The following SHANK2 variants were observed in gnomAD, a reference collection of about 807,000 sequenced individuals.
SHANK2 encodes SH3 and multiple ankyrin repeat domains protein 2.
Under a neutral mutation model 133.7 loss-of-function variants are expected in SHANK2, and 43 were observed. That is an observed-to-expected ratio of 0.32 (90% CI 0.25 to 0.41). The LOEUF (loss-of-function observed/expected upper bound fraction) is 0.41, where lower values mean the gene tolerates loss of function less well. Ranked by LOEUF, SHANK2 falls within the 10% of genes least tolerant of loss-of-function variation. SHANK2 has a pLI of 1.00. For missense variants in SHANK2, 1,994 were observed against 2,235.8 expected (o/e 0.89, Z 2.18); for synonymous variants, 1,017 against 952.8 (o/e 1.07, Z -1.24).
intron 11 of SHANK2, among the ~76,000 whole-genome samples, chr11:70,873,422 G>C (rs1555070599): frequency 6.6e-6 from 1 of 152,226 alleles, no homozygotes; most frequent in African/African-American, 2.4e-5. Flanking sequence ...AACAGCAGAG[G>C]GGAGGCAGGC....
chr11:70,485,491 G>T lies in SHANK2; in HGVS notation c.4802C>A (p.Thr1601Asn). The change falls in exon 25 of 26, where the codon ACC (threonine) becomes AAC (asparagine). Residue 1601 changes from threonine to asparagine, a missense_variant. This residue lies in a region of SHANK2 where 797 missense variants were observed against 907.4 expected (regional missense o/e 0.88). Transcript: ENST00000601538. This position sits in a 1 kb window ranked among gnomAD's most constrained non-coding sequence, Gnocchi z 5.8. Reference sequence around the variant, plus strand: ...TGTGACGTCGCCCCACAACTTGGAGGTCCTTGGCTGGAGAACCTTGGCCAT... The same window carrying T: ...TGTGACGTCGCCCCACAACTTGGAGTTCCTTGGCTGGAGAACCTTGGCCAT... ...PGMAKVLQPR[T>N]SKLWGDVTEI... 1 of 1,613,818 alleles carries T rather than the reference G, an allele frequency of 6.2e-7. No homozygotes were observed. The highest frequency in any genetic ancestry group is 1.1e-5 in the South Asian group (1 of 91,080).
At chr11:71,060,314 T>C (rs1950972613) in intron 9 of SHANK2, among the ~76,000 whole-genome samples, 1 of 152,202 alleles carries the variant, frequency 6.6e-6, no homozygotes, top group East Asian at 1.9e-4. Flanking sequence ...CAACAACCCC[T>C]GTCTTCATGG....
In SHANK2 at chr11:70,470,966, T is replaced by C. The variant is rs1324939928; in HGVS notation, c.*1903A>G. The C allele has an allele frequency of 1.6e-5, 4 of 249,208 alleles. No individual in the cohort carries two copies. The highest frequency in any genetic ancestry group is 5.5e-5 in the Admixed American group (1 of 18,178). The allele number at this position is 249,208 out of a possible 1,614,324, so 15.4% of individuals were successfully genotyped here. ...ACGAAGTTCTAGCAAAGATAGAAAA[T>C]ATAACACAGCTCTGCTGGTTCAGAT... On this transcript the variant is annotated 3_prime_UTR_variant, in exon 26 of 26. Transcript: ENST00000601538.
chr11:70,615,821 C>T (rs1411706397), intron 17 of SHANK2, among the ~76,000 whole-genome samples: 2 of 152,186 alleles, frequency 1.3e-5, no homozygotes, highest in Non-Finnish European at 2.9e-5. Context: ...AGGTCTAAGC[C>T]ACCTTGGCCG....
intron 14 of SHANK2, among the ~76,000 whole-genome samples, chr11:70,749,836 T>G (rs972917834): frequency 6.6e-6 from 1 of 150,942 alleles, no homozygotes; most frequent in African/African-American, 2.4e-5. Flanking sequence ...GAAAAAAAAA[T>G]AGACAATGTC....
chr11:70,779,941 T>C (rs1947446300), intron 14 of SHANK2, among the ~76,000 whole-genome samples: 1 of 81,448 alleles, frequency 1.2e-5, no homozygotes, highest in Admixed American at 1.5e-4. Context: ...ATCATTCAGG[T>C]CGGTCCCATC....
At chr11:70,845,670 T>C (rs898888251) in intron 11 of SHANK2, among the ~76,000 whole-genome samples, 5 of 152,044 alleles carry the variant, frequency 3.3e-5, no homozygotes, top group Non-Finnish European at 7.4e-5. Flanking sequence ...CAGGATTGAT[T>C]GATGGAAAGA....
chr11:70,676,867 C>A (rs1471481212), intron 15 of SHANK2, among the ~76,000 whole-genome samples: 1 of 152,110 alleles, frequency 6.6e-6, no homozygotes, highest in Non-Finnish European at 1.5e-5. Context: ...TTCAACTGTC[C>A]AGAGAAGATC....
In SHANK2 at chr11:70,632,682, C is replaced by T. The variant is rs1052598286; in HGVS notation, c.2061+27146G>A. Among the ~76,000 whole-genome samples the T allele has an allele frequency of 7.2e-5, 11 of 152,316 alleles. No homozygotes were observed. In the East Asian group the frequency reaches 1.5e-3, roughly 21 times the overall value. On this transcript the variant is annotated intron_variant, in intron 17 of 25. Transcript: ENST00000601538. ...GCCACATGCTGCTCTACCTCCCACC[C>T]GCCCTGAGCACTCGGTGGATGCTGG...
intron 9 of SHANK2, among the ~76,000 whole-genome samples, chr11:71,065,427 T>C (rs1211560823): frequency 1.1e-3 from 45 of 41,196 alleles, no homozygotes; most frequent in South Asian, 2.8e-3. Context: ...GCAGAACTCT[T>C]CCAGGGAGAT....
At position 71,113,342 on chromosome 11, in the gene SHANK2, T is replaced by C. The variant is rs1555099774; in HGVS notation, c.434A>G (p.Tyr145Cys). The C allele has an allele frequency of 1.3e-6, 2 of 1,551,752 alleles. No homozygotes were observed. The highest frequency in any genetic ancestry group is 1.4e-5 in the African/African-American group (1 of 73,186). The change falls in exon 5 of 26, where the codon TAT (tyrosine) becomes TGT (cysteine). Residue 145 changes from tyrosine to cysteine, a missense_variant. This residue lies in a region of SHANK2 where 653 missense variants were observed against 563.4 expected (regional missense o/e 1.16). Transcript: ENST00000601538. ...SLEFRYKKRV[Y>C]KQASLDEKQL... ...TTTCTCATCGAGACTGGCTTGTTTATACACCCGCTTCTTGTATCGAAACTG... is the reference window on the plus strand; with the variant it reads ...TTTCTCATCGAGACTGGCTTGTTTACACACCCGCTTCTTGTATCGAAACTG...
chr11:70,915,520 G>A (rs1457581044), intron 10 of SHANK2, among the ~76,000 whole-genome samples: 1 of 152,178 alleles, frequency 6.6e-6, no homozygotes, highest in Non-Finnish European at 1.5e-5. Flanking sequence ...CCACTCCCAT[G>A]GCTAACATGG....
At chr11:71,082,301 C>A (rs1276395683) in intron 8 of SHANK2, among the ~76,000 whole-genome samples, 6 of 152,204 alleles carry the variant, frequency 3.9e-5, no homozygotes, top group Non-Finnish European at 4.4e-5. Flanking sequence ...GCGGTCACTG[C>A]GGTGCCTGAA....
intron 3 of SHANK2, among the ~76,000 whole-genome samples, chr11:71,120,996 G>A (rs1555101382): frequency 6.6e-6 from 1 of 152,250 alleles, no homozygotes. Context: ...GTCATTTGTG[G>A]ACAGGGTGGG....
chr11:70,822,434 G>A (rs1948543316), intron 11 of SHANK2, among the ~76,000 whole-genome samples: 2 of 152,268 alleles, frequency 1.3e-5, no homozygotes, highest in African/African-American at 4.8e-5. Flanking sequence ...AGAACTCAAG[G>A]GGGATAGAGG....
chr11:71,061,479 C>A (rs919734724), intron 9 of SHANK2, among the ~76,000 whole-genome samples: 4 of 152,170 alleles, frequency 2.6e-5, no homozygotes, highest in Admixed American at 6.5e-5. Flanking sequence ...ACTGAGAGAG[C>A]GGTTCTGCCT....
Position 70,764,674 on chromosome 11 carries a change from C to T in SHANK2, c.1777+33769G>A, listed in dbSNP as rs116500415. 9.3e-3 allele frequency among the ~76,000 whole-genome samples: 1,415 copies of T among 151,748 alleles called. 19 individuals are homozygous for T. Among genetic ancestry groups the T allele is most frequent in the African/African-American group, 0.032 (1,325 of 41,394 alleles). ...CCACCCACCCACTCATGCATCCACA[C>T]GTGCATCTATCCATCCACACTTGCA... On this transcript the variant is annotated intron_variant, in intron 14 of 25. Coordinates refer to ENST00000601538, the MANE Select transcript of SHANK2 (RefSeq NM_012309.5).
chr11:70,525,789 C>G (rs782583720), intron 17 of SHANK2, among the ~76,000 whole-genome samples: 1 of 151,942 alleles, frequency 6.6e-6, no homozygotes, highest in African/African-American at 2.4e-5. Flanking sequence ...CCCTCCTAGC[C>G]CCCAGGGATG....
intron 17 of SHANK2, among the ~76,000 whole-genome samples, chr11:70,537,066 T>C (rs2059553527): frequency 6.6e-6 from 1 of 152,242 alleles, no homozygotes; most frequent in African/African-American, 2.4e-5. Context: ...GGGCACGGTC[T>C]GCCCATGCTC....
Sources: allele counts gnomAD v4.1 joint callset (sites outside exome capture counted in the v4.1 genomes callset), GRCh38; gene constraint gnomAD v4.1.1; regional missense constraint gnomAD v4.1.1; non-coding constraint Gnocchi (gnomAD v3.1); transcripts MANE v1.5; gene names NCBI Gene and HGNC (gene_info 2026-07-23, HGNC 2026-07-21).